The following PDE4D variants were observed in gnomAD, a reference collection of about 807,000 sequenced individuals.
PDE4D encodes the protein phosphodiesterase 4D, also known as 3',5'-cyclic-AMP phosphodiesterase 4D.
In PDE4D, 24 loss-of-function variants were observed where a neutral mutation model predicts 87.4. The ratio of observed to expected loss-of-function variants is 0.27; its 90% CI spans 0.20 to 0.39. PDE4D has a LOEUF of 0.39. Ranked by LOEUF, PDE4D falls within the 10% of genes least tolerant of loss-of-function variation. The pLI, the probability that PDE4D is intolerant of heterozygous loss-of-function variation, is 1.00. For synonymous variants in PDE4D, 384 were observed against 383.2 expected (o/e 1.00, Z -0.02); for missense variants, 714 against 1,041.0 (o/e 0.69, Z 4.32).
chr5:59,299,382 G>T (rs950952623), intron 1 of PDE4D, among the ~76,000 whole-genome samples: 1 of 152,150 alleles, frequency 6.6e-6, no homozygotes. Flanking sequence ...CCCTCTGTGG[G>T]AACGGACTTG....
At chr5:60,396,151 T>A (rs536224841) in intron 1 of PDE4D, among the ~76,000 whole-genome samples, 5 of 152,292 alleles carry the variant, frequency 3.3e-5, no homozygotes, top group Admixed American at 2.0e-4. Context: ...AATAACAGCT[T>A]TATCCACTGC....
At position 58,969,994 on chromosome 5, in the gene PDE4D, A is replaced by G. The variant is rs996145613; in HGVS notation, c.*4670T>C. The G allele has an allele frequency of 1.3e-5, 2 of 152,166 alleles. No individual in the cohort carries two copies. 9.4% of individuals were successfully genotyped at this position (152,166 alleles called of 1,614,324 possible). On this transcript the variant is annotated 3_prime_UTR_variant, in exon 15 of 15. Coordinates refer to ENST00000340635, the MANE Select transcript of PDE4D (RefSeq NM_001104631.2). ...CTATCCTTTCATTTCAACCACGTTCAGTATCCTAAGAGACATGCTGATTGA... is the reference window on the plus strand; with the variant it reads ...CTATCCTTTCATTTCAACCACGTTCGGTATCCTAAGAGACATGCTGATTGA...
Position 59,125,832 on chromosome 5 carries a change from T to C in PDE4D, c.808+54763A>G, listed in dbSNP as rs76004183. Among the ~76,000 whole-genome samples the C allele has an allele frequency of 5.2e-3, 792 of 152,056 alleles. 5 individuals carry two copies. The highest frequency in any genetic ancestry group is 0.031 in the Middle Eastern group (9 of 294). On this transcript the variant is annotated intron_variant, in intron 5 of 14. Coordinates refer to ENST00000340635, the MANE Select transcript of PDE4D (RefSeq NM_001104631.2). ...CACATAGCAGAAATAGTGAAGGGAA[T>C]TGAAACAGTTGTTCTGTATTTTGTT...
chr5:60,030,177 G>A (rs578119323), intron 2 of PDE4D, among the ~76,000 whole-genome samples: 8 of 152,276 alleles, frequency 5.3e-5, no homozygotes, highest in Admixed American at 3.9e-4. Context: ...AAGGCCGGGC[G>A]CGGTGGCTCA....
At chr5:59,508,455 T>G (rs2153667468) in intron 1 of PDE4D, among the ~76,000 whole-genome samples, 1 of 152,174 alleles carries the variant, frequency 6.6e-6, no homozygotes, top group East Asian at 1.9e-4. Flanking sequence ...TTACTTAAAT[T>G]ATAAGCAAAT....
chr5:60,296,382 C>T (rs1353716213), intron 1 of PDE4D, among the ~76,000 whole-genome samples: 1 of 151,998 alleles, frequency 6.6e-6, no homozygotes, highest in Admixed American at 6.6e-5. Context: ...TTTTTTCCTG[C>T]ACAATTAGAG....
intron 2 of PDE4D, among the ~76,000 whole-genome samples, chr5:60,153,516 C>G (rs947891997): frequency 2.0e-5 from 3 of 152,110 alleles, no homozygotes; most frequent in Non-Finnish European, 4.4e-5. Context: ...ATTTCTACTT[C>G]GGGGCATATA....
chr5:59,609,276 T>A (rs1044066477), intron 1 of PDE4D, among the ~76,000 whole-genome samples: 1 of 151,948 alleles, frequency 6.6e-6, no homozygotes, highest in Non-Finnish European at 1.5e-5. Flanking sequence ...ATGGCAAGAT[T>A]GCACTTTCTT....
At chr5:60,090,833 A>G (rs879766710) in intron 2 of PDE4D, among the ~76,000 whole-genome samples, 18 of 152,318 alleles carry the variant, frequency 1.2e-4, no homozygotes, top group Admixed American at 3.9e-4. Context: ...TAAAGTTGCA[A>G]TATACAAAAT....
chr5:59,487,361 A>G (rs1023559558), intron 1 of PDE4D, among the ~76,000 whole-genome samples: 1 of 152,164 alleles, frequency 6.6e-6, no homozygotes, highest in Non-Finnish European at 1.5e-5. Context: ...TAGCTAAAGA[A>G]ATAAGCATTT....
chr5:60,408,239 A>T (rs1272790844), intron 1 of PDE4D, among the ~76,000 whole-genome samples: 2 of 151,862 alleles, frequency 1.3e-5, no homozygotes, highest in Admixed American at 6.6e-5. Flanking sequence ...GCGTGAGCAT[A>T]AAAAAAATGG....
chr5:59,669,158 C>G (rs564582106), intron 1 of PDE4D, among the ~76,000 whole-genome samples: 1 of 152,266 alleles, frequency 6.6e-6, no homozygotes, highest in East Asian at 1.9e-4. Flanking sequence ...TGCAATGGCA[C>G]GATCTTGGCT....
intron 2 of PDE4D, among the ~76,000 whole-genome samples, chr5:60,035,819 G>A (rs1339836260): frequency 6.6e-6 from 1 of 152,092 alleles, no homozygotes; most frequent in Non-Finnish European, 1.5e-5. Flanking sequence ...GATGTCATGC[G>A]GGCCCCTCCT....
chr5:60,315,232 G>C (rs1044875777), intron 1 of PDE4D, among the ~76,000 whole-genome samples: 1 of 152,156 alleles, frequency 6.6e-6, no homozygotes, highest in African/African-American at 2.4e-5. Flanking sequence ...TTCTCTGATG[G>C]CTAGTGATGA....
intron 1 of PDE4D, among the ~76,000 whole-genome samples, chr5:59,409,410 C>G (rs746851253): frequency 1.1e-4 from 16 of 152,086 alleles, no homozygotes; most frequent in Non-Finnish European, 2.2e-4. Flanking sequence ...CGGAATGATA[C>G]AGTTTGGGTG....
chr5:59,465,066 A>C (rs939849264), intron 1 of PDE4D, among the ~76,000 whole-genome samples: 1 of 152,104 alleles, frequency 6.6e-6, no homozygotes, highest in African/African-American at 2.4e-5. Context: ...CATTGTTCTT[A>C]GGGTAGAAGA....
At chr5:59,714,467 C>A (rs1305727067) in intron 1 of PDE4D, among the ~76,000 whole-genome samples, 2 of 152,208 alleles carry the variant, frequency 1.3e-5, no homozygotes, top group African/African-American at 2.4e-5. Flanking sequence ...AATTAGCAAT[C>A]CACTGGTCCT....
intron 1 of PDE4D, among the ~76,000 whole-genome samples, chr5:59,682,270 G>C (rs972673760): frequency 6.6e-6 from 1 of 152,086 alleles, no homozygotes; most frequent in East Asian, 1.9e-4. Flanking sequence ...TTACAAAGGA[G>C]GAAAATAGTA....
intron 1 of PDE4D, among the ~76,000 whole-genome samples, chr5:59,244,652 A>G (rs927295119): frequency 1.4e-5 from 2 of 138,198 alleles, no homozygotes; most frequent in Non-Finnish European, 3.1e-5. Flanking sequence ...ATATATATGT[A>G]TAGATATATG....
Sources: gnomAD v4.1 joint callset for allele counts (sites outside exome capture counted in the v4.1 genomes callset) on GRCh38, gnomAD v4.1.1 for gene constraint, MANE v1.5 for transcripts, NCBI Gene and HGNC (gene_info 2026-07-23, HGNC 2026-07-21) for gene names.